The following CRADD variants were observed in gnomAD, a reference collection of about 807,000 sequenced individuals.
The protein encoded by CRADD is death domain-containing protein CRADD.
Under a neutral mutation model 15.5 loss-of-function variants are expected in CRADD, and 9 were observed. The observed-to-expected ratio is 0.58, with a 90% CI of 0.35 to 1.01. CRADD has a LOEUF of 1.01. CRADD is among the 50% of genes least tolerant of loss of function. The pLI is 0.02. For synonymous variants in CRADD, 118 were observed against 107.6 expected (o/e 1.10, Z -0.60); for missense variants, 227 against 250.3 (o/e 0.91, Z 0.63).
intron 2 of CRADD, among the ~76,000 whole-genome samples, chr12:93,687,612 G>A (rs1015275016): frequency 6.6e-6 from 1 of 152,212 alleles, no homozygotes; most frequent in Non-Finnish European, 1.5e-5. Context: ...AGCTGGTTAG[G>A]AGCGTGCCTC....
At chr12:93,705,111 A>T (rs903636231) in intron 2 of CRADD, among the ~76,000 whole-genome samples, 1 of 152,130 alleles carries the variant, frequency 6.6e-6, no homozygotes, top group Non-Finnish European at 1.5e-5. Context: ...CCTTCTCTAG[A>T]CTGTAAGCTC....
At chr12:93,693,119 A>G (rs935683190) in intron 2 of CRADD, among the ~76,000 whole-genome samples, 10 of 152,160 alleles carry the variant, frequency 6.6e-5, no homozygotes, top group African/African-American at 2.2e-4. Context: ...GTAAGGGACC[A>G]AAGGATATCA....
At chr12:93,877,303 C>A (rs1405344178) in intron 2 of CRADD, among the ~76,000 whole-genome samples, 2 of 152,188 alleles carry the variant, frequency 1.3e-5, no homozygotes, top group Non-Finnish European at 2.9e-5. Flanking sequence ...CCTGATGTAA[C>A]CACTACTGCC....
intron 2 of CRADD, among the ~76,000 whole-genome samples, chr12:93,861,273 A>AT (rs1283257522): frequency 2.0e-5 from 3 of 152,152 alleles, no homozygotes; most frequent in Non-Finnish European, 4.4e-5. Context: ...CATCTAACAT[A>AT]TTTTCAAAGG....
intron 2 of CRADD, among the ~76,000 whole-genome samples, chr12:93,868,747 G>A (rs1958392987): frequency 6.6e-6 from 1 of 151,642 alleles, no homozygotes; most frequent in African/African-American, 2.4e-5. Flanking sequence ...AACTGGAGGA[G>A]ATATTATACA....
At chr12:93,697,566 T>C (rs901781023) in intron 2 of CRADD, among the ~76,000 whole-genome samples, 2 of 151,912 alleles carry the variant, frequency 1.3e-5, no homozygotes, top group African/African-American at 4.9e-5. Context: ...ACGATAAACG[T>C]GTACAATTTT....
At chr12:93,698,072 A>G (rs1366766554) in intron 2 of CRADD, among the ~76,000 whole-genome samples, 1 of 152,088 alleles carries the variant, frequency 6.6e-6, no homozygotes, top group East Asian at 1.9e-4. Flanking sequence ...AAGGTCAGAA[A>G]ATCCTTTCTA....
intron 2 of CRADD, among the ~76,000 whole-genome samples, chr12:93,679,330 T>C (rs998938019): frequency 1.3e-5 from 2 of 151,890 alleles, no homozygotes; most frequent in African/African-American, 4.8e-5. Context: ...TTAGTAGAGA[T>C]GGGGTTTCAT....
intron 2 of CRADD, among the ~76,000 whole-genome samples, chr12:93,686,574 G>A (rs909979819): frequency 2.6e-5 from 4 of 152,132 alleles, no homozygotes; most frequent in East Asian, 3.9e-4. Context: ...TTCAAAATTC[G>A]TAAGTTCTCT....
At position 93,690,186 on chromosome 12, in the gene CRADD, C is replaced by G. The variant is rs1219592865; in HGVS notation, c.298+11114C>G. Among the ~76,000 whole-genome samples, 4 of 152,296 alleles carry G rather than the reference C, an allele frequency of 2.6e-5. No individual in the cohort carries two copies. In the East Asian group the frequency reaches 7.7e-4, roughly 29 times the overall value. ...TTCCTTCCAGATTCAGACTATTGGC[C>G]AAACTTGGGTCCTGAGCCCTTCCTC... is the stretch of plus-strand genomic sequence containing the variant. On this transcript the variant is annotated intron_variant, in intron 2 of 2. Transcript: ENST00000332896.
At chr12:93,852,181 T>C (rs1958230562), downstream of CRADD, among the ~76,000 whole-genome samples, 1 of 152,242 alleles carries the variant, frequency 6.6e-6, no homozygotes, top group South Asian at 2.1e-4. Flanking sequence ...ATTACATTGC[T>C]GTCTTCCCCC....
chr12:93,698,224 G>C (rs527926640), intron 2 of CRADD, among the ~76,000 whole-genome samples: 3 of 152,198 alleles, frequency 2.0e-5, no homozygotes, highest in Non-Finnish European at 4.4e-5. Flanking sequence ...CATCATTACT[G>C]TTGGAAATTC....
At chr12:93,691,290 G>A (rs7959908) in intron 2 of CRADD, among the ~76,000 whole-genome samples, 2 of 146,120 alleles carry the variant, frequency 1.4e-5, no homozygotes, top group Middle Eastern at 3.5e-3. Context: ...TTTTACTCTC[G>A]TCGCCCAGGC....
intron 2 of CRADD, among the ~76,000 whole-genome samples, chr12:93,744,387 C>CTGTGGCTTT (rs1468886040): frequency 6.6e-6 from 1 of 152,212 alleles, no homozygotes; most frequent in Non-Finnish European, 1.5e-5. Flanking sequence ...CCACAGTGTG[C>CTGTGGCTTT]AGAATTTGCT....
intron 2 of CRADD, among the ~76,000 whole-genome samples, chr12:93,688,820 T>G (rs1202101037): frequency 6.6e-6 from 1 of 152,224 alleles, no homozygotes; most frequent in South Asian, 2.1e-4. Context: ...AGTTTTCTCC[T>G]CTTCCTAATT....
downstream of CRADD, among the ~76,000 whole-genome samples, chr12:93,853,493 A>G (rs1958245036): frequency 6.6e-6 from 1 of 152,352 alleles, no homozygotes; most frequent in Middle Eastern, 3.4e-3. Context: ...AAAGATGACA[A>G]TAAGTATAGC....
At chr12:93,757,309 C>G (rs1383312008) in intron 2 of CRADD, among the ~76,000 whole-genome samples, 2 of 152,212 alleles carry the variant, frequency 1.3e-5, no homozygotes, top group African/African-American at 2.4e-5. Flanking sequence ...TGTCTTCTCT[C>G]TCTGGTAGGT....
intron 2 of CRADD, among the ~76,000 whole-genome samples, chr12:93,791,441 T>C (rs1009691389): frequency 3.3e-5 from 5 of 152,120 alleles, no homozygotes; most frequent in Non-Finnish European, 7.4e-5. Context: ...ACAAATACTG[T>C]GTGATTTCAC....
At chr12:93,730,066 A>G (rs1034221960) in intron 2 of CRADD, among the ~76,000 whole-genome samples, 3 of 152,212 alleles carry the variant, frequency 2.0e-5, no homozygotes, top group African/African-American at 7.2e-5. Flanking sequence ...TACTACTAGC[A>G]GGTACCATTT....
Sources: gnomAD v4.1 joint callset for allele counts (sites outside exome capture counted in the v4.1 genomes callset) on GRCh38, gnomAD v4.1.1 for gene constraint, MANE v1.5 for transcripts, NCBI Gene and HGNC (gene_info 2026-07-23, HGNC 2026-07-21) for gene names.